The following SKIDA1 variants were observed in gnomAD, a reference collection of about 807,000 sequenced individuals.
SKIDA1 encodes the protein SKI/DACH domain containing 1.
In SKIDA1, 18 loss-of-function variants were observed where a neutral mutation model predicts 51.4. That is an observed-to-expected ratio of 0.35 (90% CI 0.24 to 0.52). The LOEUF is 0.52. SKIDA1 is among the 20% of genes least tolerant of loss of function. The pLI is 0.95. For missense variants in SKIDA1, 1,104 were observed against 1,180.6 expected (o/e 0.94, Z 0.95); for synonymous variants, 579 against 500.5 (o/e 1.16, Z -2.09).
At position 21,515,474 on chromosome 10, in the gene SKIDA1, T is replaced by C. The variant is rs200336677; in HGVS notation, c.2349A>G (p.Thr783=). The C allele has an allele frequency of 3.4e-4, 555 of 1,614,022 alleles. 7 individuals are homozygous for C. In the Admixed American group the frequency reaches 8.5e-3, roughly 25 times the overall value. The part of the protein sequence containing the change: ...FGARVRKNYR[T]LVLGKRPVLQ... Reference sequence around the variant, plus strand: ...GGACAGGTCGCTTTCCCAGTACTAGTGTCCGGTAATTTTTTCTCACCCTGG... The same window carrying C: ...GGACAGGTCGCTTTCCCAGTACTAGCGTCCGGTAATTTTTTCTCACCCTGG... Residue 783 remains threonine (T), a synonymous_variant, in exon 4 of 4, where the codon ACA becomes ACG. Transcript: ENST00000449193.
chr10:21,514,911 CTACTCCAG>C lies in SKIDA1; in HGVS notation c.*177_*184del, dbSNP rs2032150451. On this transcript the variant is annotated 3_prime_UTR_variant, in exon 4 of 4. Coordinates refer to ENST00000449193, the MANE Select transcript of SKIDA1 (RefSeq NM_207371.4). ...ACCCTTCTCCCACCCCGCCCCCACCCTACTCCAGAAAAAAAAAAAAAAACCCGCAACGG... is the reference window on the plus strand; with the variant it reads ...ACCCTTCTCCCACCCCGCCCCCACCCAAAAAAAAAAAAAAACCCGCAACGG... The C allele has an allele frequency of 2.7e-5, 7 of 259,148 alleles. No homozygotes were observed. Among genetic ancestry groups the C allele is most frequent in the Non-Finnish European group, 4.2e-5 (6 of 144,042 alleles). 16.1% of individuals were successfully genotyped at this position (259,148 alleles called of 1,614,324 possible).
intron 3 of SKIDA1, among the ~76,000 whole-genome samples, chr10:21,520,017 G>C (rs2032348062): frequency 6.6e-6 from 1 of 152,166 alleles, no homozygotes; most frequent in Non-Finnish European, 1.5e-5. Context: ...TGTAATCGCC[G>C]CTCTTCAACT....
In SKIDA1 at chr10:21,517,259, C is replaced by T. The variant is rs1409482269; in HGVS notation, c.564G>A (p.Pro188=). ...TTTCATAGTTTAGAGGGGGTTTGCA[C>T]GGCGAGCGCACGATCTCCGGGTAGT... The part of the protein sequence containing the change: ...GSHYPEIVRS[P]CKPPLNYETA... Residue 188 remains proline, a synonymous_variant, in exon 4 of 4, where the codon CCG becomes CCA. Coordinates refer to ENST00000449193, the MANE Select transcript of SKIDA1 (RefSeq NM_207371.4). This position sits in a 1 kb window ranked among gnomAD's most constrained non-coding sequence, Gnocchi z 6.9. 2.0e-6 allele frequency: 3 copies of T among 1,473,378 alleles called. No homozygotes were observed. The highest frequency in any genetic ancestry group is 2.6e-5 in the South Asian group (2 of 75,952). The allele number at this position is 1,473,378 out of a possible 1,614,324, so 91.3% of individuals were successfully genotyped here. A position where few individuals can be genotyped will look rare whatever the true frequency, so the allele number is the denominator to read the frequency against.
chr10:21,522,162 A>G (rs2032413138), intron 2 of SKIDA1, among the ~76,000 whole-genome samples: 1 of 149,796 alleles, frequency 6.7e-6, no homozygotes, highest in East Asian at 2.0e-4. Context: ...TTGCATTTCT[A>G]CACTACAACT....
At chr10:21,520,153 T>C (rs1010996367) in intron 3 of SKIDA1, among the ~76,000 whole-genome samples, 24 of 152,212 alleles carry the variant, frequency 1.6e-4, no homozygotes, top group Non-Finnish European at 2.5e-4. Flanking sequence ...AGAAGGATCA[T>C]TGAATGGATC....
At position 21,518,689 on chromosome 10, in the gene SKIDA1, C is replaced by G. The variant is rs1170622948; in HGVS notation, c.-867G>C. ...AAGCCGAAAGAGAGATACCCCACCC[C>G]CTTTTCCTTTTGGAAAATGGAGCTT... On this transcript the variant is annotated 5_prime_UTR_variant, in exon 4 of 4. Transcript: ENST00000449193. 7 of 167,010 alleles carry G rather than the reference C, an allele frequency of 4.2e-5. No homozygotes were observed. In the Admixed American group the frequency reaches 4.6e-4, roughly 11 times the overall value. The allele number at this position is 167,010 out of a possible 1,614,324, so 10.3% of individuals were successfully genotyped here.
rs2032135860 is a variant in SKIDA1 at position 21,514,584 on chromosome 10, GA to G, written c.*511del. 6.6e-6 allele frequency: 1 copy of G among 152,022 alleles called. No homozygotes were observed. Among genetic ancestry groups the G allele is most frequent in the Admixed American group, 6.6e-5 (1 of 15,232 alleles). The allele number at this position is 152,022 out of a possible 1,614,324, so 9.4% of individuals were successfully genotyped here. A position where few individuals can be genotyped will look rare whatever the true frequency, so the allele number is the denominator to read the frequency against. On this transcript the variant is annotated 3_prime_UTR_variant, in exon 4 of 4. Coordinates refer to ENST00000449193, the MANE Select transcript of SKIDA1 (RefSeq NM_207371.4). ...AGATACCCCACAAACAAGAGCTCCAGAAAATAACATTTTGGGCTCACAGAAA... is the reference window on the plus strand; with the variant it reads ...AGATACCCCACAAACAAGAGCTCCAGAAATAACATTTTGGGCTCACAGAAA...
In SKIDA1 at chr10:21,516,694, C is replaced by T. The variant is rs1411518462; in HGVS notation, c.1129G>A (p.Glu377Lys). ...RPQPHLGSFPESCSSDSESSS... is the reference protein window; with the variant it reads ...RPQPHLGSFPKSCSSDSESSS... ...GACTCGGAGTCGCTGCTGCAGCTCT[C>T]GGGAAAGCTGCCCAGATGGGGCTGC... Residue 377 changes from glutamate (E) to lysine (K), a missense_variant, in exon 4 of 4, where the codon GAG (glutamate) becomes AAG (lysine). Glu to Lys is a moderately conservative substitution (Grantham distance 56). Coordinates refer to ENST00000449193, the MANE Select transcript of SKIDA1 (RefSeq NM_207371.4). The surrounding 1 kb of genome is among the most constrained non-coding windows in gnomAD (Gnocchi z 5.7). The T allele has an allele frequency of 2.6e-6, 4 of 1,551,312 alleles. No individual in the cohort carries two copies. The highest frequency in any genetic ancestry group is 3.5e-6 in the Non-Finnish European group (4 of 1,146,936).
Position 21,516,552 on chromosome 10 carries a change from T to TCCTCCTCCTCCTCCTCTC in SKIDA1, c.1253_1270dup (p.Gly418_Glu423dup), listed in dbSNP as rs749971978. The TCCTCCTCCTCCTCCTCTC allele has an allele frequency of 3.4e-5, 50 of 1,467,598 alleles. No individual in the cohort carries two copies. The highest frequency in any genetic ancestry group is 2.9e-4 in the African/African-American group (20 of 68,952). The allele number at this position is 1,467,598 out of a possible 1,614,324, so 90.9% of individuals were successfully genotyped here. ...CCCGCTGCCCCCCTCCTCCTCCTCTTCCTCCTCCTCCTCCTCTCCCTCCTC... is the reference window on the plus strand; with the variant it reads ...CCCGCTGCCCCCCTCCTCCTCCTCTTCCTCCTCCTCCTCCTCTCCCTCCTCCTCCTCCTCTCCCTCCTC... On this transcript the variant is annotated inframe_insertion, in exon 4 of 4. Coordinates refer to ENST00000449193, the MANE Select transcript of SKIDA1 (RefSeq NM_207371.4). This position sits in a 1 kb window ranked among gnomAD's most constrained non-coding sequence, Gnocchi z 5.7.
At chr10:21,520,864 T>G (rs1165874657) in intron 3 of SKIDA1, among the ~76,000 whole-genome samples, 2 of 152,170 alleles carry the variant, frequency 1.3e-5, no homozygotes, top group Non-Finnish European at 2.9e-5. Context: ...CTAGGGAATT[T>G]GAGAAATGTG....
chr10:21,517,963 C>T lies in SKIDA1; in HGVS notation c.-141G>A, dbSNP rs1333022095. The T allele has an allele frequency of 3.9e-6, 3 of 776,108 alleles. No homozygotes were observed. The highest frequency in any genetic ancestry group is 3.2e-5 in the East Asian group (1 of 31,704). The allele number at this position is 776,108 out of a possible 1,614,324, so 48.1% of individuals were successfully genotyped here. ...AATAAAATAACAAAGACTGTTATTC[C>T]CGGCGAAGGAAGTGCCAAACTCTAG... On this transcript the variant is annotated 5_prime_UTR_variant, in exon 4 of 4. Coordinates refer to ENST00000449193, the MANE Select transcript of SKIDA1 (RefSeq NM_207371.4). This position sits in a 1 kb window ranked among gnomAD's most constrained non-coding sequence, Gnocchi z 6.9.
intron 2 of SKIDA1, among the ~76,000 whole-genome samples, chr10:21,523,430 T>A (rs1257623306): frequency 1.3e-5 from 2 of 152,220 alleles, no homozygotes; most frequent in Non-Finnish European, 2.9e-5. Flanking sequence ...CCACTTTTCC[T>A]ACTGCAACCG....
In SKIDA1 at chr10:21,515,840, T is replaced by G. The variant is rs760417503; in HGVS notation, c.1983A>C (p.Gly661=). The G allele has an allele frequency of 6.2e-7, 1 of 1,614,044 alleles. No individual in the cohort carries two copies. The highest frequency in any genetic ancestry group is 2.2e-5 in the East Asian group (1 of 44,886). ...GATTCTCGGCTTTAGTTGCTGCTGC[T>G]CCTGCAGCGTTCACTTCAGGATCAG... ...SQTDPEVNAA[G]AAATKAENPC... The change falls in exon 4 of 4, where the codon GGA becomes GGC. Residue 661 remains glycine, a synonymous_variant. Coordinates refer to ENST00000449193, the MANE Select transcript of SKIDA1 (RefSeq NM_207371.4).
chr10:21,518,037 T>C lies in SKIDA1; in HGVS notation c.-215A>G, dbSNP rs1362044038. On this transcript the variant is annotated 5_prime_UTR_variant, in exon 4 of 4. Coordinates refer to ENST00000449193, the MANE Select transcript of SKIDA1 (RefSeq NM_207371.4). Reference sequence around the variant, plus strand: ...ACCCCATGAAATTACACTGACTTGATTCTTGCTTTTTTGTTGTTGTTGTTT... The same window carrying C: ...ACCCCATGAAATTACACTGACTTGACTCTTGCTTTTTTGTTGTTGTTGTTT... 5 of 522,406 alleles carry C rather than the reference T, an allele frequency of 9.6e-6. No individual in the cohort carries two copies. The highest frequency in any genetic ancestry group is 5.1e-4 in the Middle Eastern group (1 of 1,966). The allele number at this position is 522,406 out of a possible 1,614,324, so 32.4% of individuals were successfully genotyped here.
intron 3 of SKIDA1, among the ~76,000 whole-genome samples, chr10:21,521,057 T>TACACACAC (rs1564337856): frequency 2.9e-5 from 1 of 34,148 alleles, no homozygotes; most frequent in East Asian, 7.3e-4. Context: ...AATGAGTGCA[T>TACACACAC]GCACACACAC....
At chr10:21,522,847 C>T (rs1348483266) in intron 2 of SKIDA1, among the ~76,000 whole-genome samples, 1 of 151,958 alleles carries the variant, frequency 6.6e-6, no homozygotes, top group African/African-American at 2.4e-5. Context: ...TTTTTGCCCC[C>T]TGACCCATCT....
chr10:21,516,920 G>T lies in SKIDA1; in HGVS notation c.903C>A (p.Ala301=). ...RLLLLPRSYK[A]KAAAAAAAAA... ...CCGCCGCCGCCGCCGCCGCCGCCTTGGCTTTGTAGGACCTGGGCAACAGCA... is the reference window on the plus strand; with the variant it reads ...CCGCCGCCGCCGCCGCCGCCGCCTTTGCTTTGTAGGACCTGGGCAACAGCA... The change falls in exon 4 of 4, where the codon GCC becomes GCA. Residue 301 remains alanine (A), a synonymous_variant. Transcript: ENST00000449193. This position sits in a 1 kb window ranked among gnomAD's most constrained non-coding sequence, Gnocchi z 5.7. The T allele has an allele frequency of 8.8e-7, 1 of 1,136,670 alleles. No homozygotes were observed. The allele number at this position is 1,136,670 out of a possible 1,614,324, so 70.4% of individuals were successfully genotyped here.
In SKIDA1 at chr10:21,515,916, G is replaced by A; in HGVS notation, c.1907C>T (p.Ser636Phe). Residue 636 changes from serine (S) to phenylalanine (F), a missense_variant, in exon 4 of 4, where the codon TCC (serine) becomes TTC (phenylalanine). Physicochemically the swap from Ser to Phe is radical, Grantham distance 155 (BLOSUM62 -2). This residue lies in a region of SKIDA1 where 938 missense variants were observed against 886.4 expected (regional missense o/e 1.06). Coordinates refer to ENST00000449193, the MANE Select transcript of SKIDA1 (RefSeq NM_207371.4). ...AAATTCAGGACAATGAAGGATTTTG[G>A]AATATTTTTCTGAATTTGCTTCTGC... ...SGAEANSEKY[S>F]KILHCPEFAT... The A allele has an allele frequency of 6.2e-7, 1 of 1,614,004 alleles. No homozygotes were observed. Among genetic ancestry groups the A allele is most frequent in the Non-Finnish European group, 8.5e-7 (1 of 1,179,880 alleles).
In SKIDA1 at chr10:21,516,760, G is replaced by A; in HGVS notation, c.1063C>T (p.Pro355Ser). ...GGGGGGTGGTGACTCTGCTGCGGCG[G>A]CTGGGCCCGGTGGTGGTGGTGGTGG... Reference protein sequence around the residue: ...HHHHHHHRAQPPQQSHHPPHH... With the variant: ...HHHHHHHRAQSPQQSHHPPHH... The change falls in exon 4 of 4, where the codon CCG (proline) becomes TCG (serine). Residue 355 changes from proline to serine, a missense_variant. Around this residue, in one of 3 missense-constraint regions of SKIDA1, gnomAD observed 938 missense variants for 886.4 expected, o/e 1.06. Transcript: ENST00000449193. The surrounding 1 kb of genome is among the most constrained non-coding windows in gnomAD (Gnocchi z 5.7). 6.5e-7 allele frequency: 1 copy of A among 1,546,174 alleles called. No homozygotes were observed. The highest frequency in any genetic ancestry group is 8.7e-7 in the Non-Finnish European group (1 of 1,145,734).
Sources: gnomAD v4.1 joint callset for allele counts (sites outside exome capture counted in the v4.1 genomes callset) on GRCh38, gnomAD v4.1.1 for gene constraint, gnomAD v4.1.1 regional missense constraint, Gnocchi (gnomAD v3.1) non-coding constraint, MANE v1.5 for transcripts, NCBI Gene and HGNC (gene_info 2026-07-23, HGNC 2026-07-21) for gene names.